Variants in NAALADL2 observed in about 807,000 individuals in gnomAD.
NAALADL2 encodes N-acetylated alpha-linked acidic dipeptidase like 2, also known as inactive N-acetylated-alpha-linked acidic dipeptidase-like protein 2.
A neutral mutation model predicts 87.2 loss-of-function variants in NAALADL2; 76 were observed. The ratio of observed to expected loss-of-function variants is 0.87; its 90% CI spans 0.72 to 1.05. The LOEUF (loss-of-function observed/expected upper bound fraction) is 1.05, where lower values mean the gene tolerates loss of function less well. Ranked by LOEUF, NAALADL2 falls within the 50% of genes least tolerant of loss-of-function variation. The pLI, the probability that NAALADL2 is intolerant of heterozygous loss-of-function variation, is 0.00. For synonymous variants in NAALADL2, 354 were observed against 331.0 expected, an observed-to-expected ratio of 1.07 and a Z score of -0.75; for missense variants, 1,089 against 945.8, an observed-to-expected ratio of 1.15 and a Z score of -1.99.
chr3:175,378,567 G>T (rs1400485878), intron 5 of NAALADL2, among the ~76,000 whole-genome samples: 1 of 152,134 alleles, frequency 6.6e-6, no homozygotes, highest in African/African-American at 2.4e-5. Context: ...AGTCTCAAGG[G>T]CACCCTTATG....
At chr3:175,730,425 T>TATATAG (rs1743558989) in intron 11 of NAALADL2, among the ~76,000 whole-genome samples, 1 of 98,264 alleles carries the variant, frequency 1.0e-5, no homozygotes, top group Non-Finnish European at 2.3e-5. Flanking sequence ...TATATATATA[T>TATATAG]ATATATATAT....
intron 5 of NAALADL2, among the ~76,000 whole-genome samples, chr3:175,386,872 T>C (rs989325922): frequency 6.6e-6 from 1 of 152,052 alleles, no homozygotes; most frequent in African/African-American, 2.4e-5. Flanking sequence ...CACCCTTACT[T>C]TGCTTAGTAA....
chr3:175,380,247 GT>G (rs1478158284), intron 5 of NAALADL2, among the ~76,000 whole-genome samples: 1 of 151,958 alleles, frequency 6.6e-6, no homozygotes, highest in African/African-American at 2.4e-5. Context: ...TGACATCCAT[GT>G]CCCCTTTTCT....
chr3:174,637,339 C>T (rs947149858), intron 2 of NAALADL2, among the ~76,000 whole-genome samples: 2 of 151,982 alleles, frequency 1.3e-5, no homozygotes, highest in African/African-American at 4.8e-5. Context: ...TAAATGTTCT[C>T]ATCACATATA....
At chr3:175,607,976 A>G (rs1429346031) in intron 10 of NAALADL2, among the ~76,000 whole-genome samples, 1 of 151,390 alleles carries the variant, frequency 6.6e-6, no homozygotes, top group Non-Finnish European at 1.5e-5. Context: ...ATTATACCAT[A>G]TTAACTAAAA....
intron 9 of NAALADL2, chr3:175,487,531 C>A: frequency 2.2e-6 from 1 of 456,610 alleles, no homozygotes; most frequent in Non-Finnish European, 4.4e-6. Context: ...CCTCCAGGAA[C>A]CTTAGTTCCA....
chr3:175,184,892 C>G (rs1737100144), intron 2 of NAALADL2, among the ~76,000 whole-genome samples: 1 of 152,012 alleles, frequency 6.6e-6, no homozygotes, highest in South Asian at 2.1e-4. Context: ...CGTTAAGCAC[C>G]ATGTTTATCA....
At chr3:174,633,470 T>C (rs1722341751) in intron 2 of NAALADL2, among the ~76,000 whole-genome samples, 1 of 152,202 alleles carries the variant, frequency 6.6e-6, no homozygotes, top group African/African-American at 2.4e-5. Flanking sequence ...GAATGATGCA[T>C]CTTTCCCTTC....
intron 2 of NAALADL2, among the ~76,000 whole-genome samples, chr3:174,681,020 G>A (rs1009116908): frequency 6.6e-6 from 1 of 152,180 alleles, no homozygotes; most frequent in East Asian, 1.9e-4. Context: ...GAGAATCTGT[G>A]TGCTTGGAGG....
chr3:174,825,837 C>G (rs1238097233), intron 3 of NAALADL2, among the ~76,000 whole-genome samples: 1 of 152,106 alleles, frequency 6.6e-6, no homozygotes, highest in African/African-American at 2.4e-5. Flanking sequence ...ACCATCCTGG[C>G]TAACACGGTG....
At chr3:174,750,762 G>T (rs939405665) in intron 3 of NAALADL2, among the ~76,000 whole-genome samples, 1 of 152,072 alleles carries the variant, frequency 6.6e-6, no homozygotes, top group Non-Finnish European at 1.5e-5. Flanking sequence ...TGTAAATAAA[G>T]CATTGGAAAG....
At chr3:175,173,255 G>C (rs567367113) in intron 2 of NAALADL2, among the ~76,000 whole-genome samples, 5 of 151,752 alleles carry the variant, frequency 3.3e-5, no homozygotes, top group African/African-American at 9.7e-5. Context: ...TTGTGCTACC[G>C]CACTCCAGCC....
At chr3:174,637,351 A>G (rs867883398) in intron 2 of NAALADL2, among the ~76,000 whole-genome samples, 3 of 152,088 alleles carry the variant, frequency 2.0e-5, no homozygotes, top group African/African-American at 7.2e-5. Context: ...TCACATATAA[A>G]TGATGAATAC....
chr3:174,467,684 A>T (rs1263735108), intron 1 of NAALADL2, among the ~76,000 whole-genome samples: 1 of 151,806 alleles, frequency 6.6e-6, no homozygotes, highest in Non-Finnish European at 1.5e-5. Flanking sequence ...AAAATGGAAT[A>T]CTATATAGCT....
chr3:174,713,320 G>A (rs1226413867), intron 2 of NAALADL2, among the ~76,000 whole-genome samples: 2 of 152,200 alleles, frequency 1.3e-5, no homozygotes, highest in Admixed American at 1.3e-4. Flanking sequence ...TATATACCCA[G>A]TAATGGGATT....
chr3:175,373,196 C>T (rs951270027), intron 5 of NAALADL2, among the ~76,000 whole-genome samples: 5 of 152,060 alleles, frequency 3.3e-5, no homozygotes, highest in African/African-American at 1.2e-4. Context: ...AAAAAAAGCA[C>T]CCAATTAAAT....
intron 8 of NAALADL2, among the ~76,000 whole-genome samples, chr3:175,468,852 T>C (rs754004802): frequency 5.9e-5 from 9 of 152,054 alleles, no homozygotes; most frequent in Non-Finnish European, 1.2e-4. Flanking sequence ...GTGTGAGCGA[T>C]AGTTTTTGTC....
At chr3:174,500,481 A>G (rs962752051) in intron 1 of NAALADL2, among the ~76,000 whole-genome samples, 6 of 152,126 alleles carry the variant, frequency 3.9e-5, no homozygotes, top group Non-Finnish European at 8.8e-5. Context: ...TAGAACCTCC[A>G]GTGTAATGTT....
At chr3:174,947,626 A>G (rs1739644101) in intron 1 of NAALADL2, among the ~76,000 whole-genome samples, 1 of 152,108 alleles carries the variant, frequency 6.6e-6, no homozygotes, top group South Asian at 2.1e-4. Context: ...ATTCTTGGGA[A>G]AAAAAACACT....
Sources: allele counts gnomAD v4.1 joint callset (sites outside exome capture counted in the v4.1 genomes callset), GRCh38; gene constraint gnomAD v4.1.1; transcripts MANE v1.5; gene names NCBI Gene and HGNC (gene_info 2026-07-23, HGNC 2026-07-21).